Variants in FGGY observed in about 807,000 individuals in gnomAD.
FGGY encodes the protein FGGY carbohydrate kinase domain containing.
A neutral mutation model predicts 71.3 loss-of-function variants in FGGY; 72 were observed. The ratio of observed to expected loss-of-function variants is 1.01; its 90% CI spans 0.84 to 1.23. FGGY has a LOEUF of 1.23. Among genes scored for constraint, FGGY ranks in the 50% most tolerant of loss-of-function variants. The pLI is 0.00. For missense variants in FGGY, 668 were observed against 682.3 expected, an observed-to-expected ratio of 0.98 and a Z score of 0.23; for synonymous variants, 251 against 250.3, an observed-to-expected ratio of 1.00 and a Z score of -0.02.
chr1:59,687,632 A>AT lies in FGGY; in HGVS notation c.1512+13515dup, dbSNP rs555098197. 2.0e-3 allele frequency among the ~76,000 whole-genome samples: 266 copies of AT among 133,776 alleles called. 1 individual carries two copies. The highest frequency in any genetic ancestry group is 3.6e-3 in the South Asian group (15 of 4,192). 87.8% of individuals were successfully genotyped at this position (133,776 alleles called of 152,430 possible). A position where few individuals can be genotyped will look rare whatever the true frequency, so the allele number is the denominator to read the frequency against. ...CAGGTACCCACCACCACACCTGGCTATTTTTTTTTTTTTTTTAAGTAGAGA... is the reference window on the plus strand; with the variant it reads ...CAGGTACCCACCACCACACCTGGCTATTTTTTTTTTTTTTTTTAAGTAGAGA... On this transcript the variant is annotated intron_variant, in intron 14 of 15. Coordinates refer to ENST00000303721, the MANE Select transcript of FGGY (RefSeq NM_018291.5).
chr1:59,641,365 T>C, intron 11 of FGGY: 1 of 1,594,316 alleles, frequency 6.3e-7, no homozygotes, highest in Non-Finnish European at 8.5e-7. Flanking sequence ...ACTCTTTTCT[T>C]GCATTGTTAA....
rs552907170 is a variant in FGGY, at chr1:59,542,829, G to A, written c.800-11295G>A. 1.2e-4 allele frequency among the ~76,000 whole-genome samples: 18 copies of A among 152,140 alleles called. No individual in the cohort carries two copies. The South Asian group carries it at 1.9e-3, about 16-fold the overall frequency. ...GGCCCAAAAAACTCAGTTCATTTGC[G>A]TGAGGTCATGTAAATGGTGATATCT... is the stretch of plus-strand genomic sequence containing the variant. On this transcript the variant is annotated intron_variant, in intron 7 of 15. Transcript: ENST00000303721.
At chr1:59,614,934 A>G (rs557939769) in intron 9 of FGGY, among the ~76,000 whole-genome samples, 4 of 152,322 alleles carry the variant, frequency 2.6e-5, no homozygotes, top group South Asian at 2.1e-4. Flanking sequence ...TAGGAATCCA[A>G]CTTACAAGGG....
In FGGY at chr1:59,738,914, G is replaced by A. The variant is rs138349384; in HGVS notation, c.1513-19017G>A. On this transcript the variant is annotated intron_variant, in intron 14 of 15. Transcript: ENST00000303721. Reference sequence around the variant, plus strand: ...TTCTTTGTCCATTCCCAGCTTCGTAGCTCTGATTTCAGTACCAGATACAGG... The same window carrying A: ...TTCTTTGTCCATTCCCAGCTTCGTAACTCTGATTTCAGTACCAGATACAGG... 2.1e-3 allele frequency among the ~76,000 whole-genome samples: 314 copies of A among 152,310 alleles called. 1 individual carries two copies. The highest frequency in any genetic ancestry group is 6.8e-3 in the Middle Eastern group (2 of 294).
Position 59,346,346 on chromosome 1 carries a change from G to T in FGGY, c.413G>T (p.Gly138Val), listed in dbSNP as rs779045174. 16 of 1,611,918 alleles carry T rather than the reference G, an allele frequency of 9.9e-6. No individual in the cohort carries two copies. In the South Asian group the frequency reaches 1.3e-4, roughly 13 times the overall value. ...AAGCACAGTGTCCTCCAGTACGTCGGGGGGGTGATGTCTGTGGAAATGCAG... is the reference window on the plus strand; with the variant it reads ...AAGCACAGTGTCCTCCAGTACGTCGTGGGGGTGATGTCTGTGGAAATGCAG... ...ETKHSVLQYV[G>V]GVMSVEMQAP... is the part of the protein sequence containing the mutation. The change falls in exon 4 of 16, where the codon GGG becomes GTG. Residue 138 changes from glycine (G) to valine (V), a missense_variant. Physicochemically the swap from Gly to Val is moderately radical, Grantham distance 109. Around this residue, in one of 2 missense-constraint regions of FGGY, gnomAD observed 661 missense variants for 661.6 expected, o/e 1.00. Coordinates refer to ENST00000303721, the MANE Select transcript of FGGY (RefSeq NM_018291.5).
chr1:59,701,526 TAC>T (rs1274761556), intron 14 of FGGY, among the ~76,000 whole-genome samples: 12 of 152,176 alleles, frequency 7.9e-5, no homozygotes, highest in African/African-American at 2.9e-4. Context: ...GCAAGAAAGA[TAC>T]AGTCCCTGCT....
At chr1:59,674,672 G>A (rs1047359508) in intron 14 of FGGY, among the ~76,000 whole-genome samples, 8 of 152,124 alleles carry the variant, frequency 5.3e-5, no homozygotes, top group African/African-American at 1.9e-4. Flanking sequence ...CTTCCTGGCA[G>A]GCAAGACAAA....
At chr1:59,741,133 T>A (rs774658838) in intron 14 of FGGY, among the ~76,000 whole-genome samples, 15 of 152,182 alleles carry the variant, frequency 9.9e-5, no homozygotes, top group Non-Finnish European at 2.1e-4. Flanking sequence ...CCTTTCATCT[T>A]AAAAATAAAA....
rs776298135 is a variant in FGGY, at chr1:59,658,426, C to A, written c.1222-1793C>A. Among the ~76,000 whole-genome samples, 36 of 152,262 alleles carry A rather than the reference C, an allele frequency of 2.4e-4. 1 individual carries two copies. The highest frequency in any genetic ancestry group is 3.4e-3 in the Middle Eastern group (1 of 294). ...CTTCTTGTGTATTAAAAAATCAAAG[C>A]CATCATTCTAATCTGATTGCCCAAT... On this transcript the variant is annotated intron_variant, in intron 11 of 15. Transcript: ENST00000303721.
At chr1:59,741,925 T>G (rs1161344245) in intron 14 of FGGY, among the ~76,000 whole-genome samples, 4 of 115,488 alleles carry the variant, frequency 3.5e-5, no homozygotes, top group African/African-American at 6.9e-5. Context: ...GGTGACAGAG[T>G]GAGACTCCAT....
At chr1:59,550,269 AT>A (rs1223626315) in intron 7 of FGGY, among the ~76,000 whole-genome samples, 44 of 152,164 alleles carry the variant, frequency 2.9e-4, no homozygotes, top group African/African-American at 1.1e-3. Context: ...TTCTCTGTGG[AT>A]GGCAAAATAT....
intron 2 of FGGY, among the ~76,000 whole-genome samples, chr1:59,335,643 A>G (rs2049338218): frequency 6.6e-6 from 1 of 152,188 alleles, no homozygotes; most frequent in Admixed American, 6.5e-5. Context: ...AGCAATGTAT[A>G]AGGGCATCAC....
intron 5 of FGGY, among the ~76,000 whole-genome samples, chr1:59,382,973 G>A (rs1370980560): frequency 1.3e-5 from 2 of 152,142 alleles, no homozygotes; most frequent in African/African-American, 4.8e-5. Flanking sequence ...ATAAAGTGTG[G>A]TGGCATGCAT....
chr1:59,667,294 C>G lies in FGGY; in HGVS notation c.1308C>G (p.Arg436=), dbSNP rs75064032. 1.2e-4 allele frequency: 192 copies of G among 1,614,118 alleles called. No homozygotes were observed. The African/African-American group carries it at 2.2e-3, about 18-fold the overall frequency. The change falls in exon 13 of 16, where the codon CGC becomes CGG. Residue 436 remains arginine (R), a synonymous_variant. Coordinates refer to ENST00000303721, the MANE Select transcript of FGGY (RefSeq NM_018291.5). ...CTTTTCCTTTCAAGTTGGGGACTCG[C>G]TTCATTATAGAAGCCATGGAGGCAG... ...ATVQAIALGT[R]FIIEAMEAAG... is the part of the protein sequence containing the mutation.
At chr1:59,572,940 T>G (rs1376959275) in intron 8 of FGGY, among the ~76,000 whole-genome samples, 1 of 152,202 alleles carries the variant, frequency 6.6e-6, no homozygotes, top group Non-Finnish European at 1.5e-5. Flanking sequence ...ATTTTACCCT[T>G]GTCTCTTATG....
intron 6 of FGGY, among the ~76,000 whole-genome samples, chr1:59,461,799 T>TGTTTTGTTTTG (rs61393856): frequency 2.1e-5 from 3 of 144,074 alleles, no homozygotes; most frequent in African/African-American, 5.9e-5. Flanking sequence ...TGTTTTGTTT[T>TGTTTTGTTTTG]TTATTTTATT....
chr1:59,343,271 T>G (rs2051078770), intron 3 of FGGY, among the ~76,000 whole-genome samples: 4 of 152,216 alleles, frequency 2.6e-5, no homozygotes, highest in African/African-American at 9.6e-5. Flanking sequence ...AATCTACCCT[T>G]AGGTAAAGTG....
intron 7 of FGGY, among the ~76,000 whole-genome samples, chr1:59,539,340 A>G (rs2095403376): frequency 1.3e-5 from 2 of 152,198 alleles, no homozygotes; most frequent in African/African-American, 4.8e-5. Context: ...AAGTTGGGAA[A>G]ACTCCATAAT....
At chr1:59,759,320 A>G (rs1216588714) in intron 15 of FGGY, among the ~76,000 whole-genome samples, 1 of 152,168 alleles carries the variant, frequency 6.6e-6, no homozygotes, top group African/African-American at 2.4e-5. Flanking sequence ...TCTAAAGGCC[A>G]GGGTGGAAGG....
Sources: allele counts gnomAD v4.1 joint callset (sites outside exome capture counted in the v4.1 genomes callset), GRCh38; gene constraint gnomAD v4.1.1; regional missense constraint gnomAD v4.1.1; transcripts MANE v1.5; gene names NCBI Gene and HGNC (gene_info 2026-07-23, HGNC 2026-07-21).